The following PTPRN2 variants were observed in gnomAD, a reference collection of about 807,000 sequenced individuals.
PTPRN2 encodes protein tyrosine phosphatase receptor type N2.
PTPRN2 carries 74 observed loss-of-function variants against 118.8 expected under a neutral mutation model. That is an observed-to-expected ratio of 0.62 (90% CI 0.52 to 0.76). The LOEUF is 0.76. PTPRN2 is among the 30% of genes least tolerant of loss of function. PTPRN2 has a pLI of 0.00. For synonymous variants in PTPRN2, 641 were observed against 608.0 expected, an observed-to-expected ratio of 1.05 and a Z score of -0.80; for missense variants, 1,481 against 1,394.4, an observed-to-expected ratio of 1.06 and a Z score of -0.99.
intron 4 of PTPRN2, among the ~76,000 whole-genome samples, chr7:158,202,888 A>G (rs137982383): frequency 0.014 from 2,176 of 152,326 alleles, 34 homozygotes; most frequent in South Asian, 0.057. Flanking sequence ...AGAAAAATAC[A>G]AAAAGTCCTT....
At chr7:157,592,566 G>A (rs1015209820) in intron 17 of PTPRN2, among the ~76,000 whole-genome samples, 11 of 150,980 alleles carry the variant, frequency 7.3e-5, no homozygotes, top group African/African-American at 1.2e-4. Flanking sequence ...GACGGAGGGT[G>A]GATGTGGCAC....
chr7:158,378,278 G>A (rs764225540), intron 2 of PTPRN2, among the ~76,000 whole-genome samples: 3 of 152,014 alleles, frequency 2.0e-5, no homozygotes, highest in African/African-American at 4.8e-5. Flanking sequence ...CTTGACATTC[G>A]CTCCCCAGGG....
chr7:158,461,838 A>G (rs1002356072), intron 2 of PTPRN2, among the ~76,000 whole-genome samples: 3 of 152,238 alleles, frequency 2.0e-5, no homozygotes, highest in Non-Finnish European at 4.4e-5. Context: ...TTTTTCACCC[A>G]CATTTTAAAA....
chr7:157,996,771 T>C (rs1265812316), intron 11 of PTPRN2, among the ~76,000 whole-genome samples: 1 of 152,228 alleles, frequency 6.6e-6, no homozygotes, highest in Non-Finnish European at 1.5e-5. Context: ...AAAGTCATTT[T>C]GTTTCAAATC....
At chr7:158,131,930 GACAC>G (rs1270578588) in intron 9 of PTPRN2, among the ~76,000 whole-genome samples, 1 of 132,070 alleles carries the variant, frequency 7.6e-6, no homozygotes, top group Admixed American at 7.6e-5. Flanking sequence ...ACATCTACCC[GACAC>G]ACATACACAC....
chr7:158,348,166 G>C (rs1337075330), intron 2 of PTPRN2, among the ~76,000 whole-genome samples: 1 of 152,056 alleles, frequency 6.6e-6, no homozygotes, highest in Non-Finnish European at 1.5e-5. Flanking sequence ...TGAACAGGTG[G>C]ACAAGCAGCC....
chr7:158,133,116 C>T (rs1450548385), intron 9 of PTPRN2, among the ~76,000 whole-genome samples: 1 of 152,190 alleles, frequency 6.6e-6, no homozygotes, highest in Non-Finnish European at 1.5e-5. Context: ...AAGAGGCTCG[C>T]TGCTGTGAAG....
intron 6 of PTPRN2, among the ~76,000 whole-genome samples, chr7:158,140,752 C>T (rs1053359698): frequency 3.3e-5 from 5 of 152,202 alleles, no homozygotes; most frequent in African/African-American, 4.8e-5. Flanking sequence ...GGCCCACATG[C>T]GTCCAACGCG....
chr7:158,523,548 GTCC>G (rs773565493), intron 1 of PTPRN2, among the ~76,000 whole-genome samples: 3,213 of 89,380 alleles, frequency 0.036, 723 homozygotes, highest in South Asian at 0.086. Flanking sequence ...CTGGAATGGA[GTCC>G]TCTGCCCTGG....
chr7:157,949,405 T>C lies in PTPRN2; in HGVS notation c.1724-50668A>G, dbSNP rs147776989. 4.7e-3 allele frequency among the ~76,000 whole-genome samples: 719 copies of C among 152,370 alleles called. 8 individuals are homozygous for C. Among genetic ancestry groups the C allele is most frequent in the African/African-American group, 0.017 (690 of 41,590 alleles). On this transcript the variant is annotated intron_variant, in intron 11 of 22. Coordinates refer to ENST00000389418, the MANE Select transcript of PTPRN2 (RefSeq NM_002847.5). ...AGTTTTGTTTCATTCATCTATTCCC[T>C]ATTTATTTGCCTCTCTAGATTATAA... is the stretch of plus-strand genomic sequence containing the variant.
At chr7:157,776,132 TCTCCTCCTCC>T in intron 12 of PTPRN2, among the ~76,000 whole-genome samples, 3 of 131,862 alleles carry the variant, frequency 2.3e-5, no homozygotes, top group Admixed American at 7.6e-5. Flanking sequence ...ACCTCCTCCC[TCTCCTCCTCC>T]CTCCTCTCCT....
chr7:158,471,015 A>G (rs904882673), intron 2 of PTPRN2, among the ~76,000 whole-genome samples: 6 of 151,990 alleles, frequency 3.9e-5, no homozygotes, highest in African/African-American at 1.2e-4. Flanking sequence ...GTATTTTTAT[A>G]TTTTTAGTGG....
chr7:158,314,089 T>C lies in PTPRN2; in HGVS notation c.277+2730A>G, dbSNP rs138010571. 2.7e-3 allele frequency among the ~76,000 whole-genome samples: 417 copies of C among 152,228 alleles called. 3 individuals carry two copies. Among genetic ancestry groups the C allele is most frequent in the Non-Finnish European group, 3.6e-3 (242 of 68,020 alleles). On this transcript the variant is annotated intron_variant, in intron 3 of 22. Coordinates refer to ENST00000389418, the MANE Select transcript of PTPRN2 (RefSeq NM_002847.5). ...TCCGGCACCCTGCCCCCGCCACATC[T>C]CAGCACAGGATAGCACAGAAACGTG...
chr7:158,336,764 A>C (rs1418211472), intron 2 of PTPRN2, among the ~76,000 whole-genome samples: 7 of 101,544 alleles, frequency 6.9e-5, no homozygotes, highest in Admixed American at 1.9e-4. Context: ...CCACAGTCTC[A>C]CCATAAGAGG....
At chr7:158,354,802 G>T (rs1442995947) in intron 2 of PTPRN2, among the ~76,000 whole-genome samples, 3 of 152,152 alleles carry the variant, frequency 2.0e-5, no homozygotes, top group Non-Finnish European at 4.4e-5. Context: ...CTTGAGAAAG[G>T]TATAGATAAC....
chr7:157,771,096 C>A (rs1563090084), intron 12 of PTPRN2, among the ~76,000 whole-genome samples: 3 of 152,234 alleles, frequency 2.0e-5, no homozygotes, highest in African/African-American at 7.2e-5. Context: ...TGTGAGGAAG[C>A]CCAAGCAGCC....
chr7:158,235,025 G>A (rs923859356), intron 3 of PTPRN2, among the ~76,000 whole-genome samples: 5 of 152,194 alleles, frequency 3.3e-5, no homozygotes, highest in African/African-American at 1.2e-4. Context: ...GCCTCCCAAA[G>A]TGATGGGATT....
chr7:158,487,003 G>A (rs549824627), intron 2 of PTPRN2, among the ~76,000 whole-genome samples: 29 of 152,244 alleles, frequency 1.9e-4, no homozygotes, highest in African/African-American at 6.3e-4. Context: ...TCTTTAGTAC[G>A]TCACATGCGT....
chr7:157,871,146 C>T (rs1314753810), intron 12 of PTPRN2, among the ~76,000 whole-genome samples: 1 of 152,204 alleles, frequency 6.6e-6, no homozygotes, highest in African/African-American at 2.4e-5. Flanking sequence ...GAACTAGGCA[C>T]CAATCTTTCC....
Sources: gnomAD v4.1 joint callset for allele counts (sites outside exome capture counted in the v4.1 genomes callset) on GRCh38, gnomAD v4.1.1 for gene constraint, MANE v1.5 for transcripts, NCBI Gene and HGNC (gene_info 2026-07-23, HGNC 2026-07-21) for gene names.